PTPN3: variants seen among roughly 807,000 people sequenced by gnomAD.
PTPN3 encodes the protein protein tyrosine phosphatase non-receptor type 3.
A neutral mutation model predicts 132.7 loss-of-function variants in PTPN3; 96 were observed. The ratio of observed to expected loss-of-function variants is 0.72; its 90% CI spans 0.61 to 0.86. The LOEUF is 0.86. PTPN3 is among the 40% of genes least tolerant of loss of function. PTPN3 has a pLI of 0.00. For synonymous variants in PTPN3, 398 were observed against 429.0 expected (o/e 0.93, Z 0.89); for missense variants, 1,125 against 1,159.6 (o/e 0.97, Z 0.43).
chr9:109,485,334 G>A (rs1382732511), intron 1 of PTPN3, among the ~76,000 whole-genome samples: 3 of 152,102 alleles, frequency 2.0e-5, no homozygotes, highest in East Asian at 1.9e-4. Context: ...GTGAAACCCC[G>A]TCTCTACTAA....
intron 5 of PTPN3, chr9:109,450,163 T>G: frequency 1.0e-6 from 1 of 984,904 alleles, no homozygotes; most frequent in Non-Finnish European, 1.2e-6. Flanking sequence ...ATATTATTAC[T>G]TTGATTATAA....
intron 1 of PTPN3, among the ~76,000 whole-genome samples, chr9:109,492,805 T>C (rs190743892): frequency 1.3e-5 from 2 of 152,292 alleles, no homozygotes; most frequent in East Asian, 3.9e-4. Flanking sequence ...TGAAACAAAT[T>C]GCTGTGACCC....
intron 10 of PTPN3, among the ~76,000 whole-genome samples, chr9:109,431,921 G>A (rs1453802995): frequency 9.2e-5 from 14 of 151,834 alleles, no homozygotes; most frequent in African/African-American, 3.4e-4. Context: ...GTTTAAAGGA[G>A]ATAAATCAAA....
chr9:109,455,266 G>A (rs1845505273), intron 4 of PTPN3, among the ~76,000 whole-genome samples: 1 of 152,138 alleles, frequency 6.6e-6, no homozygotes, highest in Non-Finnish European at 1.5e-5. Flanking sequence ...TTGCTTGTGT[G>A]GATAAAATTA....
intron 1 of PTPN3, among the ~76,000 whole-genome samples, chr9:109,465,711 A>C (rs1198264335): frequency 2.7e-5 from 4 of 147,950 alleles, no homozygotes; most frequent in South Asian, 4.2e-4. Flanking sequence ...TGTCTCAAAA[A>C]AAAAAAAAAA....
chr9:109,528,163 G>C, the PTPN3 span, among the ~76,000 whole-genome samples: 5 of 152,058 alleles, frequency 3.3e-5, no homozygotes, highest in Non-Finnish European at 5.9e-5. Flanking sequence ...CAGTCATTTT[G>C]GTCAATTATT....
At chr9:109,419,739 C>G (rs1380631968) in intron 14 of PTPN3, among the ~76,000 whole-genome samples, 1 of 151,950 alleles carries the variant, frequency 6.6e-6, no homozygotes, top group Non-Finnish European at 1.5e-5. Context: ...TCCCTGGTAA[C>G]CAAGGCAAAA....
At chr9:109,426,309 T>C in intron 12 of PTPN3, among the ~76,000 whole-genome samples, 1 of 149,478 alleles carries the variant, frequency 6.7e-6, no homozygotes. Context: ...TATTTATACA[T>C]AAATATATAT....
At chr9:109,475,422 A>G (rs1002604193) in intron 1 of PTPN3, among the ~76,000 whole-genome samples, 18 of 152,372 alleles carry the variant, frequency 1.2e-4, no homozygotes, top group African/African-American at 4.3e-4. Context: ...ATGAGGGACT[A>G]TAACAAGCAA....
At chr9:109,513,721 T>C in the PTPN3 span, among the ~76,000 whole-genome samples, 1 of 152,214 alleles carries the variant, frequency 6.6e-6, no homozygotes, top group South Asian at 2.1e-4. Flanking sequence ...CCTGATTTCC[T>C]GATGTTGGCC....
upstream of PTPN3, among the ~76,000 whole-genome samples, chr9:109,500,075 C>A (rs1377937950): frequency 6.6e-6 from 1 of 152,254 alleles, no homozygotes; most frequent in African/African-American, 2.4e-5. Context: ...TTCCCCACTG[C>A]CTTATCCTCT....
intron 7 of PTPN3, 87 bp from the exon 8 acceptor site, chr9:109,438,321 A>G: frequency 7.2e-7 from 1 of 1,381,466 alleles, no homozygotes; most frequent in South Asian, 1.3e-5. Flanking sequence ...GCATCATCAG[A>G]ATAACATTAA....
At chr9:109,470,976 C>T (rs1345343337) in intron 1 of PTPN3, among the ~76,000 whole-genome samples, 1 of 151,870 alleles carries the variant, frequency 6.6e-6, no homozygotes, top group East Asian at 1.9e-4. Flanking sequence ...ATTTTCTGGA[C>T]TTATAGAAAA....
chr9:109,523,988 G>A, the PTPN3 span, among the ~76,000 whole-genome samples: 1 of 152,146 alleles, frequency 6.6e-6, no homozygotes, highest in Non-Finnish European at 1.5e-5. Flanking sequence ...GCTCACACCT[G>A]TAATCTCAGC....
At chr9:109,382,985 C>A (rs755487330) in intron 23 of PTPN3, among the ~76,000 whole-genome samples, 1 of 152,178 alleles carries the variant, frequency 6.6e-6, no homozygotes, top group African/African-American at 2.4e-5. Context: ...AAGCCCTTGG[C>A]AACCACCGTT....
chr9:109,417,540 T>C (rs1842614354), intron 14 of PTPN3: 2 of 968,668 alleles, frequency 2.1e-6, no homozygotes, highest in South Asian at 4.8e-5. Flanking sequence ...AGGTTTTTTT[T>C]TTTTTCTTTT....
At chr9:109,469,982 G>A (rs945472908) in intron 1 of PTPN3, among the ~76,000 whole-genome samples, 2 of 151,652 alleles carry the variant, frequency 1.3e-5, no homozygotes, top group Non-Finnish European at 2.9e-5. Flanking sequence ...CTTCTCCGTG[G>A]CGCAGTCCCC....
At chr9:109,380,515 T>C (rs1295425036) in intron 25 of PTPN3, among the ~76,000 whole-genome samples, 4 of 152,196 alleles carry the variant, frequency 2.6e-5, no homozygotes, top group African/African-American at 9.7e-5. Flanking sequence ...CTTAGCCTGC[T>C]GAAGTGCTGG....
chr9:109,532,824 C>A, the PTPN3 span: 1 of 878,788 alleles, frequency 1.1e-6, no homozygotes, highest in South Asian at 4.1e-5. Context: ...GATGATAAGT[C>A]GGAATTTACT....
Sources: gnomAD v4.1 joint callset for allele counts (sites outside exome capture counted in the v4.1 genomes callset) on GRCh38, gnomAD v4.1.1 for gene constraint, MANE v1.5 for transcripts, NCBI Gene and HGNC (gene_info 2026-07-23, HGNC 2026-07-21) for gene names.